The following AVL9 variants were observed in gnomAD, a reference collection of about 807,000 sequenced individuals.
The protein encoded by AVL9 is late secretory pathway protein AVL9 homolog.
A neutral mutation model predicts 79.2 loss-of-function variants in AVL9; 49 were observed. The ratio of observed to expected loss-of-function variants is 0.62; its 90% CI spans 0.49 to 0.79. The LOEUF (loss-of-function observed/expected upper bound fraction) is 0.79. AVL9 is among the 30% of genes least tolerant of loss of function. The pLI, the probability that AVL9 is intolerant of heterozygous loss-of-function variation, is 0.00. For synonymous variants in AVL9, 299 were observed against 280.6 expected (o/e 1.07, Z -0.65); for missense variants, 682 against 776.8 (o/e 0.88, Z 1.45).
At chr7:32,580,716 TGTGTGTGTCTATATGTGTCTGTGTGC>T in intron 14 of AVL9, 60 bp from the exon 15 acceptor site, 1 of 824,770 alleles carries the variant, frequency 1.2e-6, no homozygotes, top group Non-Finnish European at 2.0e-6. Context: ...GTGACTATTG[TGTGTGTGTCTATATGTGTCTGTGTGC>T]GTGTGTGAGA....
At chr7:32,548,154 T>TC (rs1554340935) in intron 3 of AVL9, among the ~76,000 whole-genome samples, 2 of 146,176 alleles carry the variant, frequency 1.4e-5, no homozygotes, top group African/African-American at 5.0e-5. Context: ...CTTTTTTCTT[T>TC]TTTTTTTTTT....
chr7:32,529,315 C>T (rs998826196), intron 1 of AVL9, among the ~76,000 whole-genome samples: 3 of 152,154 alleles, frequency 2.0e-5, no homozygotes, highest in African/African-American at 7.2e-5. Flanking sequence ...AGGGGACCCC[C>T]CTATCACGCC....
intron 11 of AVL9, among the ~76,000 whole-genome samples, chr7:32,571,229 C>CA (rs35287763): frequency 0.31 from 20,462 of 65,000 alleles, 2,719 homozygotes; most frequent in South Asian, 0.34. Flanking sequence ...GACCCTGTCT[C>CA]AAAAAAAAAA....
chr7:32,523,338 A>G (rs1394431875), intron 1 of AVL9, among the ~76,000 whole-genome samples: 1 of 151,752 alleles, frequency 6.6e-6, no homozygotes, highest in East Asian at 1.9e-4. Context: ...GCTGAGGCCA[A>G]TTAAGATGAA....
At chr7:32,551,449 T>C in intron 5 of AVL9, 26 bp downstream of exon 5, 1 of 1,327,500 alleles carries the variant, frequency 7.5e-7, no homozygotes, top group African/African-American at 1.4e-5. Context: ...TCTATAGATG[T>C]GTTTGGCTGA....
chr7:32,541,787 T>G lies in AVL9; in HGVS notation c.94-1354T>G, dbSNP rs139249502. 1.3e-3 allele frequency among the ~76,000 whole-genome samples: 192 copies of G among 151,890 alleles called. 4 individuals are homozygous for G. The East Asian group carries it at 0.016, about 12-fold the overall frequency. On this transcript the variant is annotated intron_variant, in intron 1 of 15. Transcript: ENST00000318709. ...TGCAGTGCAGTGGCGCAATCTCGGCTCACTGTAACCTCCACCTCCTGGGTT... is the reference window on the plus strand; with the variant it reads ...TGCAGTGCAGTGGCGCAATCTCGGCGCACTGTAACCTCCACCTCCTGGGTT...
chr7:32,503,355 TAGAG>T (rs1191292912), intron 1 of AVL9, among the ~76,000 whole-genome samples: 3 of 26,622 alleles, frequency 1.1e-4, no homozygotes, highest in South Asian at 2.0e-3. Context: ...GATATAGATA[TAGAG>T]AGATATATAT....
intron 4 of AVL9, among the ~76,000 whole-genome samples, chr7:32,550,480 A>G (rs929845238): frequency 1.2e-4 from 19 of 152,184 alleles, no homozygotes; most frequent in African/African-American, 4.3e-4. Context: ...ATTGAAGTCT[A>G]TGTATAAATA....
intron 1 of AVL9, among the ~76,000 whole-genome samples, chr7:32,511,947 T>C (rs1454761803): frequency 6.6e-6 from 1 of 152,198 alleles, no homozygotes; most frequent in African/African-American, 2.4e-5. Context: ...TGAGATGTGC[T>C]GAGACCGACT....
chr7:32,587,018 T>A lies in AVL9; in HGVS notation c.*3111T>A, dbSNP rs1004389592. On this transcript the variant is annotated 3_prime_UTR_variant, in exon 16 of 16. Transcript: ENST00000318709. ...CCGCCAAGCACAGCCCTAAAACAAT[T>A]CTCGTCCACTTTCCTGTTAAGAAAC... is the stretch of plus-strand genomic sequence containing the variant. 6.6e-6 allele frequency: 1 copy of A among 152,206 alleles called. No homozygotes were observed. Among genetic ancestry groups the A allele is most frequent in the African/African-American group, 2.4e-5 (1 of 41,436 alleles). The allele number at this position is 152,206 out of a possible 1,614,324, so 9.4% of individuals were successfully genotyped here. A position where few individuals can be genotyped will look rare whatever the true frequency, so the allele number is the denominator to read the frequency against.
At chr7:32,511,559 G>A (rs1163960471) in intron 1 of AVL9, among the ~76,000 whole-genome samples, 1 of 152,014 alleles carries the variant, frequency 6.6e-6, no homozygotes. Context: ...TGAGGAGGGC[G>A]AGGGGGAAAG....
At chr7:32,564,284 GTGTT>G (rs1342727259) in intron 10 of AVL9, among the ~76,000 whole-genome samples, 8 of 152,146 alleles carry the variant, frequency 5.3e-5, no homozygotes, top group African/African-American at 1.9e-4. Context: ...TGTTTTTTGA[GTGTT>G]TGGATGAAAA....
intron 15 of AVL9, among the ~76,000 whole-genome samples, chr7:32,583,342 T>C (rs903950588): frequency 6.6e-6 from 1 of 152,220 alleles, no homozygotes; most frequent in Admixed American, 6.5e-5. Context: ...AGGGATTGTT[T>C]TGAAACTAAA....
chr7:32,562,840 T>C (rs1790387245), intron 10 of AVL9: 1 of 153,152 alleles, frequency 6.5e-6, no homozygotes, highest in Non-Finnish European at 1.5e-5. Flanking sequence ...GAGGATCTCT[T>C]GAACCCAGGA....
chr7:32,579,687 A>G (rs1377532275), intron 13 of AVL9, among the ~76,000 whole-genome samples: 1 of 135,392 alleles, frequency 7.4e-6, no homozygotes, highest in East Asian at 2.1e-4. Flanking sequence ...ATTTTCTTAC[A>G]AAAATAATGA....
intron 13 of AVL9, among the ~76,000 whole-genome samples, chr7:32,579,497 AT>A (rs1562801913): frequency 1.1e-4 from 1 of 9,188 alleles, no homozygotes; most frequent in Non-Finnish European, 1.7e-4. Flanking sequence ...TATATTACAT[AT>A]TATATATTAT....
At position 32,584,166 on chromosome 7, in the gene AVL9, T is replaced by G. The variant is rs1791656404; in HGVS notation, c.*259T>G. The G allele has an allele frequency of 8.7e-5, 42 of 483,184 alleles. No homozygotes were observed. In the South Asian group the frequency reaches 1.1e-3, roughly 12 times the overall value. The allele number at this position is 483,184 out of a possible 1,614,324, so 29.9% of individuals were successfully genotyped here. ...CCTGATTAAAACATACAGTGAACCTTCTAATGAATTTTGAGTTCTGATATT... is the reference window on the plus strand; with the variant it reads ...CCTGATTAAAACATACAGTGAACCTGCTAATGAATTTTGAGTTCTGATATT... On this transcript the variant is annotated 3_prime_UTR_variant, in exon 16 of 16. Transcript: ENST00000318709.
Position 32,580,895 on chromosome 7 carries a change from G to C in AVL9, c.1831+5G>C, listed in dbSNP as rs1202932262. 4.3e-6 allele frequency: 7 copies of C among 1,611,300 alleles called. No homozygotes were observed. Among genetic ancestry groups the C allele is most frequent in the African/African-American group, 2.7e-5 (2 of 74,892 alleles). ...TACAAACAGGAAAAGCTGTTGGTAA[G>C]ACATGCCTTTAGCCAGGAACAAATT... On this transcript the variant is annotated splice_donor_5th_base_variant and intron_variant, in intron 15 of 15. Coordinates refer to ENST00000318709, the MANE Select transcript of AVL9 (RefSeq NM_015060.3).
At chr7:32,558,798 C>G in intron 9 of AVL9, 131 bp from the exon 10 acceptor site, 1 of 1,059,386 alleles carries the variant, frequency 9.4e-7, no homozygotes. Context: ...TCTTTCTGTT[C>G]TTTTTGTTTT....
Sources: allele counts gnomAD v4.1 joint callset (sites outside exome capture counted in the v4.1 genomes callset), GRCh38; gene constraint gnomAD v4.1.1; transcripts MANE v1.5; gene names NCBI Gene and HGNC (gene_info 2026-07-23, HGNC 2026-07-21).